Variants in GABPB1 observed in about 807,000 individuals in gnomAD.
GABPB1 encodes the protein GA binding protein transcription factor subunit beta 1.
A neutral mutation model predicts 45.9 loss-of-function variants in GABPB1; 15 were observed. That is an observed-to-expected ratio of 0.33 (90% CI 0.22 to 0.50). The LOEUF (loss-of-function observed/expected upper bound fraction) is 0.50, where lower values mean the gene tolerates loss of function less well. GABPB1 is among the 20% of genes least tolerant of loss of function. GABPB1 has a pLI of 0.98. For missense variants in GABPB1, 252 were observed against 457.5 expected (o/e 0.55, Z 4.10); for synonymous variants, 143 against 154.4 (o/e 0.93, Z 0.55).
intron 1 of GABPB1, among the ~76,000 whole-genome samples, chr15:50,339,631 T>TA: frequency 6.6e-6 from 1 of 152,312 alleles, no homozygotes; most frequent in South Asian, 2.1e-4. Context: ...TCAGTGTCCC[T>TA]ATTATGACTA....
intron 2 of GABPB1, among the ~76,000 whole-genome samples, chr15:50,308,479 G>A (rs2047019666): frequency 6.6e-6 from 1 of 152,170 alleles, no homozygotes; most frequent in African/African-American, 2.4e-5. Context: ...CAGGGGCAAG[G>A]GCAGGAGCAG....
chr15:50,338,525 G>A (rs191412454), intron 1 of GABPB1, among the ~76,000 whole-genome samples: 1 of 151,960 alleles, frequency 6.6e-6, no homozygotes, highest in East Asian at 2.0e-4. Flanking sequence ...CCAGGCTGGA[G>A]TGTAGTGGTG....
intron 8 of GABPB1, 120 bp from the exon 9 acceptor site, chr15:50,278,904 G>A: frequency 2.8e-6 from 2 of 718,414 alleles, no homozygotes; most frequent in Non-Finnish European, 4.2e-6. Context: ...GCCACCTATT[G>A]AAATTTCCTA....
chr15:50,328,521 A>C (rs1405168029), intron 1 of GABPB1, among the ~76,000 whole-genome samples: 1 of 152,236 alleles, frequency 6.6e-6, no homozygotes, highest in Non-Finnish European at 1.5e-5. Flanking sequence ...TATTTTAGAC[A>C]AAAAATGTCA....
chr15:50,300,652 C>T (rs903413449), intron 6 of GABPB1, 137 bp downstream of exon 6: 5 of 597,874 alleles, frequency 8.4e-6, no homozygotes, highest in Non-Finnish European at 1.2e-5. Flanking sequence ...ACTATGTTGT[C>T]CAGGCTGGTC....
chr15:50,336,353 C>CTAAA (rs1567540149), intron 1 of GABPB1, among the ~76,000 whole-genome samples: 1 of 115,900 alleles, frequency 8.6e-6, no homozygotes, highest in Admixed American at 8.7e-5. Context: ...GACTCTGTCC[C>CTAAA]AAAAAAAAAA....
chr15:50,289,190 T>A (rs16963582), intron 7 of GABPB1, among the ~76,000 whole-genome samples: 11,617 of 152,236 alleles, frequency 0.076, 1,345 homozygotes, highest in African/African-American at 0.25. Flanking sequence ...TTTAAGCTCA[T>A]TTTTCAACCA....
chr15:50,289,936 T>C lies in GABPB1; in HGVS notation c.698-268A>G, dbSNP rs537128174. On this transcript the variant is annotated intron_variant, in intron 6 of 8. Coordinates refer to ENST00000380877, the MANE Select transcript of GABPB1 (RefSeq NM_016654.5). ...GCAGGTATGTACCACCATACCTGAC[T>C]AGTTTTATTTTTTTTAGGGATGGGG... is the stretch of plus-strand genomic sequence containing the variant. Among the ~76,000 whole-genome samples, 141 of 152,130 alleles carry C rather than the reference T, an allele frequency of 9.3e-4. 1 individual carries two copies. The highest frequency in any genetic ancestry group is 3.2e-3 in the African/African-American group (132 of 41,502).
intron 8 of GABPB1, chr15:50,282,511 A>ATG: frequency 2.1e-5 from 4 of 194,314 alleles, no homozygotes; most frequent in Non-Finnish European, 4.2e-5. Flanking sequence ...CCATGATTGC[A>ATG]CCACTGCACT....
intron 1 of GABPB1, among the ~76,000 whole-genome samples, chr15:50,345,048 G>A (rs139198724): frequency 2.5e-4 from 38 of 152,102 alleles, no homozygotes; most frequent in African/African-American, 8.7e-4. Context: ...CACACATTTG[G>A]GAGTCATCAG....
intron 6 of GABPB1, among the ~76,000 whole-genome samples, chr15:50,290,122 G>A (rs1242742325): frequency 3.9e-5 from 6 of 152,104 alleles, no homozygotes; most frequent in East Asian, 3.8e-4. Context: ...AAACTCAGTC[G>A]CCAGAGGTGT....
At chr15:50,295,508 C>G (rs2141004070) in intron 6 of GABPB1, among the ~76,000 whole-genome samples, 1 of 152,178 alleles carries the variant, frequency 6.6e-6, no homozygotes, top group Non-Finnish European at 1.5e-5. Context: ...ACTAGAGTGG[C>G]CTGTAAACCT....
intron 2 of GABPB1, 93 bp downstream of exon 2, chr15:50,309,598 C>A (rs1029349361): frequency 1.2e-4 from 84 of 679,086 alleles, no homozygotes; most frequent in Admixed American, 7.6e-4. Flanking sequence ...TAACTTTTTA[C>A]CACTTATAAA....
intron 6 of GABPB1, among the ~76,000 whole-genome samples, chr15:50,299,699 A>G (rs959061238): frequency 1.3e-5 from 2 of 152,192 alleles, no homozygotes; most frequent in African/African-American, 4.8e-5. Flanking sequence ...GCACCCAGCC[A>G]GGTAACCCTT....
chr15:50,304,832 T>C (rs1008814291), intron 2 of GABPB1, among the ~76,000 whole-genome samples: 3 of 152,186 alleles, frequency 2.0e-5, no homozygotes, highest in African/African-American at 7.2e-5. Flanking sequence ...GTAAAATTCA[T>C]CTCAAATAAA....
intron 2 of GABPB1, among the ~76,000 whole-genome samples, chr15:50,305,503 C>T (rs1567504635): frequency 6.6e-6 from 1 of 151,968 alleles, no homozygotes; most frequent in East Asian, 1.9e-4. Flanking sequence ...AGGCACACAC[C>T]AACAAACCCA....
intron 1 of GABPB1, chr15:50,354,486 G>A (rs1377272140): frequency 2.9e-5 from 13 of 448,804 alleles, no homozygotes; most frequent in South Asian, 4.7e-5. Context: ...CCCCTCTCCG[G>A]AGAGCCCGGC....
At chr15:50,327,942 C>T (rs982975485) in intron 1 of GABPB1, among the ~76,000 whole-genome samples, 19 of 151,570 alleles carry the variant, frequency 1.3e-4, no homozygotes, top group Non-Finnish European at 2.1e-4. Context: ...CTAGGGATTC[C>T]ACTGCTAGCT....
chr15:50,315,644 C>G (rs1287641834), intron 1 of GABPB1, among the ~76,000 whole-genome samples: 1 of 152,218 alleles, frequency 6.6e-6, no homozygotes, highest in Non-Finnish European at 1.5e-5. Flanking sequence ...ACTTCTGATT[C>G]TCACCTGACA....
Sources: allele counts gnomAD v4.1 joint callset (sites outside exome capture counted in the v4.1 genomes callset), GRCh38; gene constraint gnomAD v4.1.1; transcripts MANE v1.5; gene names NCBI Gene and HGNC (gene_info 2026-07-23, HGNC 2026-07-21).